The following LRFN5 variants were observed in gnomAD, a reference collection of about 807,000 sequenced individuals.
The protein encoded by LRFN5 is leucine rich repeat and fibronectin type III domain containing 5.
In LRFN5, 24 loss-of-function variants were observed where a neutral mutation model predicts 45.6. That is an observed-to-expected ratio of 0.53 (90% CI 0.38 to 0.74). LRFN5 has a LOEUF of 0.74. Ranked by LOEUF, LRFN5 falls within the 30% of genes least tolerant of loss-of-function variation. The probability of loss-of-function intolerance (pLI) is 0.00; values close to 1 mark genes in which losing one functional copy is unlikely to be tolerated. For synonymous variants in LRFN5, 340 were observed against 313.8 expected, an observed-to-expected ratio of 1.08 and a Z score of -0.88; for missense variants, 776 against 861.5, an observed-to-expected ratio of 0.90 and a Z score of 1.24.
At chr14:41,899,736 T>C (rs1435061175) in intron 5 of LRFN5, among the ~76,000 whole-genome samples, 3 of 152,172 alleles carry the variant, frequency 2.0e-5, no homozygotes, top group African/African-American at 7.2e-5. Context: ...GTTTTTAACA[T>C]TTTATATTTA....
intron 1 of LRFN5, among the ~76,000 whole-genome samples, chr14:41,673,406 C>G (rs1417998037): frequency 6.9e-6 from 1 of 145,268 alleles, no homozygotes; most frequent in Admixed American, 6.6e-5. Flanking sequence ...ACCCGCCCCC[C>G]ACCTCACTGC....
chr14:41,785,175 G>C (rs1886674621), intron 2 of LRFN5, among the ~76,000 whole-genome samples: 1 of 151,784 alleles, frequency 6.6e-6, no homozygotes, highest in Non-Finnish European at 1.5e-5. Context: ...CTTTCTTTTA[G>C]CGGACATATT....
intron 1 of LRFN5, among the ~76,000 whole-genome samples, chr14:41,643,586 C>T (rs529747386): frequency 9.9e-5 from 15 of 151,982 alleles, no homozygotes; most frequent in Non-Finnish European, 2.1e-4. Context: ...TCAGTAGCTC[C>T]CATGATGCAC....
At chr14:41,837,905 C>T (rs957256555) in intron 2 of LRFN5, among the ~76,000 whole-genome samples, 13 of 152,120 alleles carry the variant, frequency 8.5e-5, no homozygotes, top group Admixed American at 2.6e-4. Context: ...CACAAATATA[C>T]TCATTGTAAA....
At chr14:41,630,837 G>A (rs532381337) in intron 1 of LRFN5, among the ~76,000 whole-genome samples, 3 of 151,850 alleles carry the variant, frequency 2.0e-5, no homozygotes, top group African/African-American at 4.8e-5. Context: ...GTTCTTTATC[G>A]TTTTGCTAAT....
chr14:41,614,968 A>G (rs986463950), intron 1 of LRFN5, among the ~76,000 whole-genome samples: 1 of 152,082 alleles, frequency 6.6e-6, no homozygotes, highest in Non-Finnish European at 1.5e-5. Context: ...TTCAGGAACC[A>G]GGCAGAAGAT....
intron 2 of LRFN5, among the ~76,000 whole-genome samples, chr14:41,800,918 A>G (rs1239838748): frequency 1.3e-5 from 2 of 152,024 alleles, no homozygotes; most frequent in Non-Finnish European, 2.9e-5. Context: ...GTAATGTTTA[A>G]GGACTACTTC....
chr14:41,811,620 A>T (rs1228641126), intron 2 of LRFN5, among the ~76,000 whole-genome samples: 2 of 152,116 alleles, frequency 1.3e-5, no homozygotes, highest in African/African-American at 2.4e-5. Context: ...ATGTACTACA[A>T]AGTGCATGAA....
chr14:41,662,387 A>G (rs1880696216), intron 1 of LRFN5, among the ~76,000 whole-genome samples: 1 of 152,068 alleles, frequency 6.6e-6, no homozygotes, highest in Non-Finnish European at 1.5e-5. Flanking sequence ...TATCCATTAA[A>G]AAAATAAGAG....
At chr14:41,865,696 G>A (rs1391696456) in intron 2 of LRFN5, among the ~76,000 whole-genome samples, 4 of 152,116 alleles carry the variant, frequency 2.6e-5, no homozygotes, top group Non-Finnish European at 5.9e-5. Context: ...CAATGTATGA[G>A]GATATCAATT....
intron 2 of LRFN5, among the ~76,000 whole-genome samples, chr14:41,840,852 T>C (rs563967057): frequency 5.3e-5 from 8 of 151,998 alleles, no homozygotes; most frequent in African/African-American, 1.4e-4. Flanking sequence ...AAACCTGAGA[T>C]AGAATTATTT....
intron 2 of LRFN5, among the ~76,000 whole-genome samples, chr14:41,852,579 A>G (rs1192321573): frequency 3.3e-5 from 5 of 151,814 alleles, no homozygotes; most frequent in South Asian, 4.1e-4. Context: ...TCTGCTGCCT[A>G]TCTTCTTTTT....
chr14:41,891,324 T>G lies in LRFN5; in HGVS notation c.1460T>G (p.Leu487Trp), dbSNP rs1890771335. ...GGAACTATGTATGACTTGTGTGTCT[T>G]GGCCATATATGATGATGGCATCACT... is the stretch of plus-strand genomic sequence containing the variant. ...AAGTMYDLCV[L>W]AIYDDGITSL... Residue 487 changes from leucine (L) to tryptophan (W), a missense_variant, in exon 4 of 6, where the codon TTG becomes TGG. Around this residue, in one of 2 missense-constraint regions of LRFN5, gnomAD observed 465 missense variants for 456.4 expected, o/e 1.02. Coordinates refer to ENST00000298119, the MANE Select transcript of LRFN5 (RefSeq NM_152447.5). 8.1e-6 allele frequency: 13 copies of G among 1,614,144 alleles called. No individual in the cohort carries two copies. The highest frequency in any genetic ancestry group is 1.1e-5 in the Non-Finnish European group (13 of 1,180,030).
chr14:41,889,642 A>C (rs1443223411), intron 3 of LRFN5, among the ~76,000 whole-genome samples: 1 of 152,154 alleles, frequency 6.6e-6, no homozygotes, highest in East Asian at 1.9e-4. Context: ...TCTTGAGGAA[A>C]TTTCTGGAAT....
At chr14:41,648,172 T>A (rs1305354773) in intron 1 of LRFN5, among the ~76,000 whole-genome samples, 6 of 152,248 alleles carry the variant, frequency 3.9e-5, no homozygotes, top group Middle Eastern at 3.4e-3. Flanking sequence ...ATAATAATTC[T>A]TTTTACCACC....
chr14:41,785,861 A>C (rs1886701981), intron 2 of LRFN5, among the ~76,000 whole-genome samples: 1 of 152,114 alleles, frequency 6.6e-6, no homozygotes, highest in Non-Finnish European at 1.5e-5. Flanking sequence ...CCCTATGAGA[A>C]TCTAACGCCA....
In LRFN5 at chr14:41,886,869, C is replaced by G; in HGVS notation, c.244C>G (p.Leu82Val). ...ANMTSLVDLTLSRNTISFITP... is the reference protein window; with the variant it reads ...ANMTSLVDLTVSRNTISFITP... ...TATGACCAGCTTGGTGGACCTGACTCTATCCAGGAATACAATAAGTTTTAT... is the reference window on the plus strand; with the variant it reads ...TATGACCAGCTTGGTGGACCTGACTGTATCCAGGAATACAATAAGTTTTAT... Residue 82 changes from leucine to valine, a missense_variant, in exon 3 of 6, where the codon CTA becomes GTA. Physicochemically the swap from Leu to Val is conservative, Grantham distance 32. This residue lies in a region of LRFN5 where 311 missense variants were observed against 405.1 expected (regional missense o/e 0.77). Coordinates refer to ENST00000298119, the MANE Select transcript of LRFN5 (RefSeq NM_152447.5). 1 of 1,614,176 alleles carries G rather than the reference C, an allele frequency of 6.2e-7. No individual in the cohort carries two copies. The highest frequency in any genetic ancestry group is 8.5e-7 in the Non-Finnish European group (1 of 1,180,016).
rs1224588631 is a variant in LRFN5, at chr14:41,759,482, CACACACACACACACACAG to C, written c.-196-7370_-196-7353del. On this transcript the variant is annotated intron_variant, in intron 1 of 5. Transcript: ENST00000298119. ...ACACACACACACACACACACACACA[CACACACACACACACACAG>C]AGAGAGCACCAGAAAACAGCATTTT... 3.9e-3 allele frequency among the ~76,000 whole-genome samples: 288 copies of C among 73,128 alleles called. No individual in the cohort carries two copies. In the East Asian group the frequency reaches 0.052, roughly 13 times the overall value. The allele number at this position is 73,128 out of a possible 152,430, so 48.0% of individuals were successfully genotyped here. A position where few individuals can be genotyped will look rare whatever the true frequency, so the allele number is the denominator to read the frequency against.
At chr14:41,898,682 T>G (rs1891013889) in intron 4 of LRFN5, among the ~76,000 whole-genome samples, 1 of 152,038 alleles carries the variant, frequency 6.6e-6, no homozygotes, top group Non-Finnish European at 1.5e-5. Flanking sequence ...GAATAACATT[T>G]TAGAATATTA....
Sources: gnomAD v4.1 joint callset for allele counts (sites outside exome capture counted in the v4.1 genomes callset) on GRCh38, gnomAD v4.1.1 for gene constraint, gnomAD v4.1.1 regional missense constraint, MANE v1.5 for transcripts, NCBI Gene and HGNC (gene_info 2026-07-23, HGNC 2026-07-21) for gene names.